Variants in TPO observed in about 807,000 individuals in gnomAD.
The protein encoded by TPO is thyroid peroxidase.
TPO carries 78 observed loss-of-function variants against 96.9 expected under a neutral mutation model. The observed-to-expected ratio is 0.81, with a 90% CI of 0.67 to 0.97. TPO has a LOEUF of 0.97. Among genes scored for constraint, TPO ranks in the 50% least tolerant of loss-of-function variants. The pLI, the probability that TPO is intolerant of heterozygous loss-of-function variation, is 0.00. For missense variants in TPO, 1,252 were observed against 1,274.8 expected (o/e 0.98, Z 0.27); for synonymous variants, 547 against 538.0 (o/e 1.02, Z -0.23).
At chr2:1,503,752 C>A in intron 13 of TPO, 196 bp from the exon 14 acceptor site, 1 of 981,178 alleles carries the variant, frequency 1.0e-6, no homozygotes, top group Non-Finnish European at 1.6e-6. Flanking sequence ...CCGTGGCCAG[C>A]GCACATCTGT....
chr2:1,377,203 A>C (rs940467739), intron 1 of TPO, among the ~76,000 whole-genome samples: 2 of 152,230 alleles, frequency 1.3e-5, no homozygotes, highest in African/African-American at 4.8e-5. Flanking sequence ...CGGGTAAACC[A>C]GTCTTCCTGC....
intron 7 of TPO, among the ~76,000 whole-genome samples, chr2:1,459,407 C>T (rs893055326): frequency 6.6e-6 from 1 of 152,042 alleles, no homozygotes; most frequent in African/African-American, 2.4e-5. Flanking sequence ...GCCTTGGCCT[C>T]TCAAAGTGCT....
chr2:1,540,525 C>T, intron 15 of TPO, 69 bp from the exon 16 acceptor site: 8 of 1,603,966 alleles, frequency 5.0e-6, no homozygotes, highest in Middle Eastern at 1.9e-4. Context: ...TCGCTCGTGC[C>T]GTGCTCTCTA....
At chr2:1,398,816 A>G (rs11211643) in intron 1 of TPO, among the ~76,000 whole-genome samples, 82,454 of 152,012 alleles carry the variant, frequency 0.54, 22,483 homozygotes, top group South Asian at 0.64. Context: ...CAGGGAGTGC[A>G]GAGAAGGTGC....
rs190943929 is a variant in TPO at position 1,480,885 on chromosome 2, G to A, written c.1338+3281G>A. Reference sequence around the variant, plus strand: ...AATTTGTCAGGGCCCAACCACAGCCGCCCCCACTCTGAGGATCTTGGCTCC... The same window carrying A: ...AATTTGTCAGGGCCCAACCACAGCCACCCCCACTCTGAGGATCTTGGCTCC... On this transcript the variant is annotated intron_variant, in intron 8 of 16. Transcript: ENST00000329066. Among the ~76,000 whole-genome samples the A allele has an allele frequency of 3.1e-4, 23 of 73,836 alleles. 1 individual carries two copies. Among genetic ancestry groups the A allele is most frequent in the East Asian group, 1.4e-3 (4 of 2,930 alleles). 48.4% of individuals were successfully genotyped at this position (73,836 alleles called of 152,430 possible). A position where few individuals can be genotyped will look rare whatever the true frequency, so the allele number is the denominator to read the frequency against.
intron 2 of TPO, among the ~76,000 whole-genome samples, chr2:1,416,540 T>G (rs972302750): frequency 2.0e-5 from 3 of 152,228 alleles, no homozygotes; most frequent in Non-Finnish European, 4.4e-5. Flanking sequence ...TTTTTCCATA[T>G]CTGGGAGATT....
intron 15 of TPO, among the ~76,000 whole-genome samples, chr2:1,530,353 G>T (rs1286299319): frequency 7.4e-6 from 1 of 135,266 alleles, no homozygotes; most frequent in African/African-American, 2.8e-5. Context: ...CCCCAAGTGT[G>T]TGCAACGTCC....
intron 13 of TPO, among the ~76,000 whole-genome samples, chr2:1,499,612 A>G (rs1252364557): frequency 1.4e-5 from 2 of 139,296 alleles, no homozygotes; most frequent in African/African-American, 5.2e-5. Flanking sequence ...GGCTGCAGCA[A>G]CAACATCACC....
chr2:1,415,118 C>T (rs185527362), intron 2 of TPO, among the ~76,000 whole-genome samples: 2,770 of 138,088 alleles, frequency 0.02, 48 homozygotes, highest in East Asian at 0.089. Context: ...GACACCTCGC[C>T]GGGCAGGTCC....
chr2:1,399,690 G>C lies in TPO; in HGVS notation n.180+25288G>C, dbSNP rs1662135003. 1.3e-5 allele frequency among the ~76,000 whole-genome samples: 2 copies of C among 152,154 alleles called. 1 individual carries two copies. Among genetic ancestry groups the C allele is most frequent in the South Asian group, 4.1e-4 (2 of 4,820 alleles). On this transcript the variant is annotated intron_variant and non_coding_transcript_variant, in intron 1 of 5. Transcript: ENST00000497517. The stretch of plus-strand genomic sequence containing the variant: ...CTTTCCATCTCTGCAGATCTCCAGT[G>C]CCTCGGGAGCCTCTCCCATCCCAGG...
intron 15 of TPO, among the ~76,000 whole-genome samples, chr2:1,533,153 C>A (rs1443953853): frequency 1.5e-5 from 2 of 131,640 alleles, no homozygotes; most frequent in East Asian, 2.3e-4. Flanking sequence ...CCCCAAATCC[C>A]CCCACTGTGA....
upstream of TPO, among the ~76,000 whole-genome samples, chr2:1,409,141 C>T (rs547743044): frequency 1.3e-5 from 2 of 152,242 alleles, no homozygotes; most frequent in Admixed American, 1.3e-4. Flanking sequence ...GACTGCCGTC[C>T]CCAGAGTCCA....
At chr2:1,420,371 G>A (rs760917078) in intron 2 of TPO, among the ~76,000 whole-genome samples, 18 of 152,168 alleles carry the variant, frequency 1.2e-4, no homozygotes, top group Admixed American at 2.6e-4. Context: ...GGTCTTGGTC[G>A]TGAATAGCGC....
intron 1 of TPO, among the ~76,000 whole-genome samples, chr2:1,401,740 G>C (rs1469239061): frequency 6.6e-6 from 1 of 152,180 alleles, no homozygotes; most frequent in African/African-American, 2.4e-5. Flanking sequence ...GGGCTGAGCA[G>C]GTGCCTTGAA....
intron 7 of TPO, among the ~76,000 whole-genome samples, chr2:1,458,761 A>G (rs1230472449): frequency 6.6e-6 from 1 of 152,214 alleles, no homozygotes; most frequent in East Asian, 1.9e-4. Context: ...TAGTTCTTAT[A>G]CATGTCTGCT....
intron 15 of TPO, among the ~76,000 whole-genome samples, chr2:1,537,031 TA>T (rs1230122958): frequency 4.1e-4 from 5 of 12,222 alleles, no homozygotes; most frequent in African/African-American, 9.3e-4. Context: ...CGTCCTCAAA[TA>T]CCCCCACTGT....
rs543464732 is a variant in TPO at position 1,495,119 on chromosome 2, T to G, written c.2007-870T>G. ...TGGCTGAAGCGCCATCTGAAATCAGTGCAGAGGCAGCTGGCAGGTTCCTAG... is the reference window on the plus strand; with the variant it reads ...TGGCTGAAGCGCCATCTGAAATCAGGGCAGAGGCAGCTGGCAGGTTCCTAG... On this transcript the variant is annotated intron_variant, in intron 11 of 16. Transcript: ENST00000329066. Among the ~76,000 whole-genome samples the G allele has an allele frequency of 3.9e-5, 6 of 152,342 alleles. No homozygotes were observed. In the South Asian group the frequency reaches 1.0e-3, roughly 26 times the overall value.
At chr2:1,385,520 A>T (rs146613605) in intron 1 of TPO, among the ~76,000 whole-genome samples, 1,583 of 151,514 alleles carry the variant, frequency 0.01, 33 homozygotes, top group African/African-American at 0.036. Context: ...GTAGTCTCTG[A>T]TGGTCGTTTG....
At chr2:1,497,331 C>T (rs1672458301) in intron 13 of TPO, among the ~76,000 whole-genome samples, 3 of 152,342 alleles carry the variant, frequency 2.0e-5, no homozygotes, top group South Asian at 4.1e-4. Context: ...ACCTGCTCCT[C>T]CCATGTGCTG....
Sources: gnomAD v4.1 joint callset for allele counts (sites outside exome capture counted in the v4.1 genomes callset) on GRCh38, gnomAD v4.1.1 for gene constraint, MANE v1.5 for transcripts, NCBI Gene and HGNC (gene_info 2026-07-23, HGNC 2026-07-21) for gene names.